The following DLC1 variants were observed in gnomAD, a reference collection of about 807,000 sequenced individuals.
The protein encoded by DLC1 is DLC1 Rho GTPase activating protein.
In DLC1, 54 loss-of-function variants were observed where a neutral mutation model predicts 140.3. The observed-to-expected ratio is 0.38, with a 90% CI of 0.31 to 0.48. The LOEUF is 0.48. Ranked by LOEUF, DLC1 falls within the 20% of genes least tolerant of loss-of-function variation. The probability of loss-of-function intolerance (pLI) is 0.96; values close to 1 mark genes in which losing one functional copy is unlikely to be tolerated. For synonymous variants in DLC1, 986 were observed against 728.1 expected, an observed-to-expected ratio of 1.35 and a Z score of -5.70; for missense variants, 2,536 against 1,907.0, an observed-to-expected ratio of 1.33 and a Z score of -6.14.
At chr8:13,420,809 T>C (rs1461297498) in intron 2 of DLC1, among the ~76,000 whole-genome samples, 1 of 152,122 alleles carries the variant, frequency 6.6e-6, no homozygotes, top group Non-Finnish European at 1.5e-5. Flanking sequence ...TTGACCTTTA[T>C]AGTGGCTCCA....
At chr8:13,492,965 A>G (rs1801329980) in intron 2 of DLC1, among the ~76,000 whole-genome samples, 2 of 152,198 alleles carry the variant, frequency 1.3e-5, no homozygotes. Flanking sequence ...AAAATAAGCT[A>G]TTTACAAAGC....
intron 4 of DLC1, among the ~76,000 whole-genome samples, chr8:13,343,272 T>C (rs1471833736): frequency 6.6e-6 from 1 of 152,186 alleles, no homozygotes; most frequent in Admixed American, 6.5e-5. Flanking sequence ...TAAGTGTAGA[T>C]ACACCAAGTA....
At chr8:13,590,169 C>G (rs1805471439) in intron 1 of DLC1, among the ~76,000 whole-genome samples, 1 of 151,244 alleles carries the variant, frequency 6.6e-6, no homozygotes, top group Non-Finnish European at 1.5e-5. Flanking sequence ...GGCACCAATC[C>G]TATATTTACA....
intron 1 of DLC1, among the ~76,000 whole-genome samples, chr8:13,522,582 G>A (rs2117287696): frequency 6.6e-6 from 1 of 152,026 alleles, no homozygotes; most frequent in Non-Finnish European, 1.5e-5. Context: ...CCAAGATTGT[G>A]CCATTGTACT....
chr8:13,194,783 G>A (rs906702619), intron 5 of DLC1, among the ~76,000 whole-genome samples: 1 of 152,190 alleles, frequency 6.6e-6, no homozygotes, highest in African/African-American at 2.4e-5. Context: ...TGAGGTGGGA[G>A]GATTTCTTGA....
intron 1 of DLC1, among the ~76,000 whole-genome samples, chr8:13,594,411 A>T (rs865983125): frequency 6.6e-6 from 1 of 151,998 alleles, no homozygotes; most frequent in African/African-American, 2.4e-5. Flanking sequence ...TTTGTGAGGC[A>T]ACGTAATTCC....
chr8:13,535,580 A>T (rs1803248688), intron 1 of DLC1, among the ~76,000 whole-genome samples: 1 of 151,534 alleles, frequency 6.6e-6, no homozygotes, highest in Admixed American at 6.6e-5. Flanking sequence ...CCTCAGGGAC[A>T]TAACTGTTGG....
intron 5 of DLC1, among the ~76,000 whole-genome samples, chr8:13,131,705 T>C (rs1018807482): frequency 2.0e-5 from 3 of 152,176 alleles, no homozygotes; most frequent in Admixed American, 6.5e-5. Flanking sequence ...ATGAGCTCAT[T>C]TGATCCTCAC....
intron 2 of DLC1, among the ~76,000 whole-genome samples, chr8:13,405,949 C>CTTTCTTTCTTTCTTTCT (rs1431024300): frequency 2.1e-5 from 2 of 95,980 alleles, no homozygotes; most frequent in Non-Finnish European, 4.4e-5. Flanking sequence ...TTCTTTCTTT[C>CTTTCTTTCTTTCTTTCT]TTTCTTTCTT....
intron 2 of DLC1, among the ~76,000 whole-genome samples, chr8:13,429,613 T>C (rs888328414): frequency 1.3e-5 from 2 of 152,232 alleles, no homozygotes; most frequent in South Asian, 2.1e-4. Context: ...AGTTTTATCC[T>C]ATGTATCTTT....
At chr8:13,495,962 A>G (rs1258811958) in intron 2 of DLC1, among the ~76,000 whole-genome samples, 1 of 152,264 alleles carries the variant, frequency 6.6e-6, no homozygotes, top group Non-Finnish European at 1.5e-5. Flanking sequence ...TCACATGATT[A>G]TCAGATAATG....
chr8:13,279,373 T>A (rs1049853962), intron 5 of DLC1, among the ~76,000 whole-genome samples: 5 of 152,214 alleles, frequency 3.3e-5, no homozygotes, highest in African/African-American at 7.2e-5. Context: ...CAGTAGGTGT[T>A]AGAAACACCT....
chr8:13,566,369 G>T (rs1238055784), intron 1 of DLC1, among the ~76,000 whole-genome samples: 1 of 23,800 alleles, frequency 4.2e-5, no homozygotes, highest in Non-Finnish European at 8.2e-5. Context: ...CCCCACCCCC[G>T]ACCCCGCCCA....
intron 2 of DLC1, among the ~76,000 whole-genome samples, chr8:13,403,551 G>C (rs1020903318): frequency 3.3e-5 from 5 of 152,146 alleles, no homozygotes; most frequent in Non-Finnish European, 5.9e-5. Flanking sequence ...CATTCTTTGT[G>C]TAACGGAGGC....
At chr8:13,594,832 T>G (rs1805632871) in intron 1 of DLC1, among the ~76,000 whole-genome samples, 1 of 151,340 alleles carries the variant, frequency 6.6e-6, no homozygotes, top group African/African-American at 2.4e-5. Flanking sequence ...AATTTCAGGG[T>G]GCTTTTATTT....
chr8:13,359,106 T>A (rs1009734502), intron 4 of DLC1, among the ~76,000 whole-genome samples: 1 of 152,124 alleles, frequency 6.6e-6, no homozygotes, highest in Non-Finnish European at 1.5e-5. Flanking sequence ...GCCCGGCTAA[T>A]TTTTTCGTAT....
At chr8:13,294,093 T>A (rs370388059) in intron 5 of DLC1, among the ~76,000 whole-genome samples, 1 of 152,294 alleles carries the variant, frequency 6.6e-6, no homozygotes, top group Non-Finnish European at 1.5e-5. Context: ...GAAAACCCCC[T>A]GTGCTCTGCC....
intron 10 of DLC1, 100 bp downstream of exon 10, chr8:13,098,299 T>C: frequency 7.2e-7 from 1 of 1,384,420 alleles, no homozygotes; most frequent in Non-Finnish European, 1.0e-6. Context: ...AATATATTAA[T>C]AAAGGAGAGA....
chr8:13,450,323 C>T (rs540292472), intron 2 of DLC1, among the ~76,000 whole-genome samples: 3 of 151,428 alleles, frequency 2.0e-5, no homozygotes, highest in Admixed American at 6.6e-5. Flanking sequence ...GGCATGGTGG[C>T]GGGTGACTGT....
Sources: gnomAD v4.1 joint callset for allele counts (sites outside exome capture counted in the v4.1 genomes callset) on GRCh38, gnomAD v4.1.1 for gene constraint, MANE v1.5 for transcripts, NCBI Gene and HGNC (gene_info 2026-07-23, HGNC 2026-07-21) for gene names.